Variants in CFAP299 observed in about 807,000 individuals in gnomAD.
CFAP299 encodes the protein cilia- and flagella-associated protein 299.
A neutral mutation model predicts 27.0 loss-of-function variants in CFAP299; 21 were observed. The ratio of observed to expected loss-of-function variants is 0.78; its 90% confidence interval spans 0.55 to 1.12. The LOEUF is 1.12. Among genes scored for constraint, CFAP299 ranks in the 50% most tolerant of loss-of-function variants. CFAP299 has a pLI of 0.00. For missense variants in CFAP299, 310 were observed against 276.6 expected (o/e 1.12, Z -0.86); for synonymous variants, 104 against 98.1 (o/e 1.06, Z -0.36).
intron 2 of CFAP299, among the ~76,000 whole-genome samples, chr4:80,530,948 G>A (rs1733433184): frequency 6.6e-6 from 1 of 152,164 alleles, no homozygotes; most frequent in South Asian, 2.1e-4. Flanking sequence ...AGACTATGTA[G>A]GGCCTCGTAT....
chr4:80,371,420 C>G (rs2110009376), intron 2 of CFAP299, among the ~76,000 whole-genome samples: 1 of 152,264 alleles, frequency 6.6e-6, no homozygotes, highest in South Asian at 2.1e-4. Flanking sequence ...TTGGATTTCT[C>G]CCCCCAAAAT....
chr4:80,782,678 A>C (rs1726981924), intron 3 of CFAP299, among the ~76,000 whole-genome samples: 1 of 126,580 alleles, frequency 7.9e-6, no homozygotes, highest in Non-Finnish European at 1.7e-5. Context: ...TATAATATAC[A>C]TATATGAATA....
In CFAP299 at chr4:80,672,258, T is replaced by A. The variant is rs562125881; in HGVS notation, c.333+89075T>A. The stretch of plus-strand genomic sequence containing the variant: ...AAGGTCTTTTCTGCATCTATTGAGA[T>A]AATCATGTGGTTTTTGTCATTGGTT... On this transcript the variant is annotated intron_variant, in intron 3 of 5. Coordinates refer to ENST00000358105, the MANE Select transcript of CFAP299 (RefSeq NM_152770.3). 3.9e-5 allele frequency among the ~76,000 whole-genome samples: 6 copies of A among 152,334 alleles called. No individual in the cohort carries two copies. In the East Asian group the frequency reaches 1.2e-3, roughly 29 times the overall value.
At chr4:80,800,349 T>G (rs1407014165) in intron 3 of CFAP299, among the ~76,000 whole-genome samples, 5 of 73,656 alleles carry the variant, frequency 6.8e-5, no homozygotes, top group Non-Finnish European at 8.9e-5. Flanking sequence ...TAATATATAA[T>G]ATATATGATA....
intron 4 of CFAP299, among the ~76,000 whole-genome samples, chr4:80,873,911 G>A (rs1733239840): frequency 6.6e-6 from 1 of 152,046 alleles, no homozygotes; most frequent in South Asian, 2.1e-4. Flanking sequence ...TCATACCCTT[G>A]ACCAGAAAAT....
intron 3 of CFAP299, among the ~76,000 whole-genome samples, chr4:80,773,997 T>C (rs1726373965): frequency 6.6e-6 from 1 of 151,972 alleles, no homozygotes; most frequent in African/African-American, 2.4e-5. Flanking sequence ...TTTGAAATAA[T>C]TTAATTAAGT....
intron 3 of CFAP299, among the ~76,000 whole-genome samples, chr4:80,827,918 C>A (rs1730073954): frequency 6.6e-6 from 1 of 151,644 alleles, no homozygotes; most frequent in African/African-American, 2.4e-5. Context: ...GAGCAATCTG[C>A]AAAGGAAATT....
intron 2 of CFAP299, among the ~76,000 whole-genome samples, chr4:80,458,254 A>G (rs1483857286): frequency 6.6e-6 from 1 of 152,212 alleles, no homozygotes; most frequent in East Asian, 1.9e-4. Context: ...ATTTTTACAA[A>G]TGTTTCTTTT....
intron 3 of CFAP299, among the ~76,000 whole-genome samples, chr4:80,783,013 A>G (rs1727021033): frequency 6.6e-6 from 1 of 152,058 alleles, no homozygotes; most frequent in African/African-American, 2.4e-5. Context: ...CTATTGCTGC[A>G]TAAAAAATTA....
At position 80,663,705 on chromosome 4, in the gene CFAP299, C is replaced by G. The variant is rs183945509; in HGVS notation, c.333+80522C>G. Among the ~76,000 whole-genome samples, 367 of 152,246 alleles carry G rather than the reference C, an allele frequency of 2.4e-3. 1 individual carries two copies. The highest frequency in any genetic ancestry group is 8.4e-3 in the African/African-American group (349 of 41,542). On this transcript the variant is annotated intron_variant, in intron 3 of 5. Transcript: ENST00000358105. ...TTCTGGTTCTAGATCCTTGAGGAAT[C>G]GCCACACTGTCTTCCACAATGGTTG...
At chr4:80,878,677 T>A (rs1733540285) in intron 4 of CFAP299, among the ~76,000 whole-genome samples, 1 of 152,112 alleles carries the variant, frequency 6.6e-6, no homozygotes, top group Admixed American at 6.5e-5. Flanking sequence ...GCAAATTAAC[T>A]TTGCTTTCCA....
At chr4:80,953,185 T>C (rs1004485985) in intron 5 of CFAP299, among the ~76,000 whole-genome samples, 2 of 152,212 alleles carry the variant, frequency 1.3e-5, no homozygotes, top group African/African-American at 4.8e-5. Context: ...TAAATTAATA[T>C]TGGGCCAGTG....
In CFAP299 at chr4:80,477,932, T is replaced by C. The variant is rs143378379; in HGVS notation, c.243-105161T>C. Among the ~76,000 whole-genome samples, 771 of 152,272 alleles carry C rather than the reference T, an allele frequency of 5.1e-3. 4 individuals are homozygous for C. Among genetic ancestry groups the C allele is most frequent in the Middle Eastern group, 0.017 (5 of 294 alleles). On this transcript the variant is annotated intron_variant, in intron 2 of 5. Transcript: ENST00000358105. ...AAATGGCTAGAGAAAAACCTGCAAA[T>C]GGAACTGGTCTCACTTTGACTTCAT...
chr4:80,934,540 C>CG (rs1553907452), intron 4 of CFAP299, among the ~76,000 whole-genome samples: 3 of 146,530 alleles, frequency 2.0e-5, no homozygotes, highest in African/African-American at 7.5e-5. Flanking sequence ...TTTTTCTAAG[C>CG]TTTTTTTTTT....
intron 2 of CFAP299, among the ~76,000 whole-genome samples, chr4:80,468,122 T>C (rs1252961057): frequency 2.6e-5 from 4 of 152,228 alleles, no homozygotes; most frequent in South Asian, 2.1e-4. Flanking sequence ...ATAGGTATAA[T>C]CTTGCTTGTT....
intron 3 of CFAP299, among the ~76,000 whole-genome samples, chr4:80,702,448 T>C (rs978767978): frequency 4.6e-5 from 7 of 151,894 alleles, no homozygotes; most frequent in African/African-American, 1.4e-4. Flanking sequence ...GGAATAGAGA[T>C]AAATACCTTA....
intron 4 of CFAP299, among the ~76,000 whole-genome samples, chr4:80,915,495 T>C (rs1054025712): frequency 1.2e-4 from 18 of 152,098 alleles, no homozygotes; most frequent in African/African-American, 3.6e-4. Context: ...TACATGTTTG[T>C]TCTGCTTGGT....
At chr4:80,584,976 A>G (rs1006792027) in intron 3 of CFAP299, among the ~76,000 whole-genome samples, 7 of 152,160 alleles carry the variant, frequency 4.6e-5, no homozygotes, top group African/African-American at 1.7e-4. Context: ...GAGGAAAAAC[A>G]TAAAAATCTC....
chr4:80,850,286 A>G (rs929257375), intron 3 of CFAP299, among the ~76,000 whole-genome samples: 1 of 152,010 alleles, frequency 6.6e-6, no homozygotes, highest in Non-Finnish European at 1.5e-5. Flanking sequence ...GAAAAGATAC[A>G]TATTAGAAAT....
Sources: allele counts gnomAD v4.1 joint callset (sites outside exome capture counted in the v4.1 genomes callset), GRCh38; gene constraint gnomAD v4.1.1; transcripts MANE v1.5; gene names NCBI Gene and HGNC (gene_info 2026-07-23, HGNC 2026-07-21).